The following AGPS variants were observed in gnomAD, a reference collection of about 807,000 sequenced individuals.
AGPS encodes alkyldihydroxyacetonephosphate synthase, peroxisomal.
A neutral mutation model predicts 90.7 loss-of-function variants in AGPS; 26 were observed. The observed-to-expected ratio is 0.29, with a 90% CI of 0.21 to 0.40. The LOEUF (loss-of-function observed/expected upper bound fraction) is 0.40. AGPS is among the 10% of genes least tolerant of loss of function. AGPS has a pLI of 1.00. For synonymous variants in AGPS, 294 were observed against 285.3 expected (o/e 1.03, Z -0.31); for missense variants, 540 against 816.1 (o/e 0.66, Z 4.12).
intron 11 of AGPS, among the ~76,000 whole-genome samples, chr2:177,492,490 C>T (rs935398995): frequency 9.2e-5 from 14 of 152,168 alleles, no homozygotes; most frequent in Admixed American, 9.2e-4. Context: ...TACAAAGATA[C>T]TCTTATGCCA....
intron 13 of AGPS, 103 bp from the exon 14 acceptor site, chr2:177,499,515 T>C: frequency 1.4e-6 from 1 of 711,274 alleles, no homozygotes; most frequent in Non-Finnish European, 2.4e-6. Context: ...AAGAAATCAG[T>C]GTATTTGAGC....
chr2:177,482,048 CT>C lies in AGPS; in HGVS notation c.1106-4del. The C allele has an allele frequency of 1.9e-6, 3 of 1,592,064 alleles. No individual in the cohort carries two copies. Among genetic ancestry groups the C allele is most frequent in the South Asian group, 1.1e-5 (1 of 90,236 alleles). On this transcript the variant is annotated splice_polypyrimidine_tract_variant and intron_variant, in intron 10 of 19. Coordinates refer to ENST00000264167, the MANE Select transcript of AGPS (RefSeq NM_003659.4). Reference sequence around the variant, plus strand: ...GTGATGTACTGGATTATTCCCCCTTCTTTTTTTCAGGAACTCTTGGTGTAAT... The same window carrying C: ...GTGATGTACTGGATTATTCCCCCTTCTTTTTTCAGGAACTCTTGGTGTAAT...
chr2:177,438,531 G>C (rs1012025460), intron 5 of AGPS, among the ~76,000 whole-genome samples: 27 of 152,014 alleles, frequency 1.8e-4, no homozygotes, highest in African/African-American at 6.0e-4. Flanking sequence ...CCATTTTATT[G>C]GTTCCCTTGC....
intron 2 of AGPS, among the ~76,000 whole-genome samples, chr2:177,429,432 C>G (rs1686174511): frequency 6.6e-6 from 1 of 152,174 alleles, no homozygotes; most frequent in African/African-American, 2.4e-5. Context: ...TTGATTCTTT[C>G]TCATCTTTGT....
chr2:177,534,250 T>C (rs190122937), intron 19 of AGPS, among the ~76,000 whole-genome samples: 1 of 152,306 alleles, frequency 6.6e-6, no homozygotes, highest in East Asian at 1.9e-4. Context: ...TACATCATTT[T>C]ATCTCTTATA....
Position 177,392,803 on chromosome 2 carries a change from C to T in AGPS, c.14C>T (p.Ala5Val), listed in dbSNP as rs1233318758. 6.0e-6 allele frequency: 9 copies of T among 1,503,774 alleles called. No homozygotes were observed. The highest frequency in any genetic ancestry group is 1.4e-5 in the African/African-American group (1 of 69,146). 93.2% of individuals were successfully genotyped at this position (1,503,774 alleles called of 1,614,324 possible). ...AAGGCGGTAGCCATGGCGGAGGCGG[C>T]GGCTGCAGCGGGTGGGACTGGCTTG... MAEA[A>V]AAAGGTGLGA... is the part of the protein sequence containing the mutation. Residue 5 changes from alanine (A) to valine (V), a missense_variant, in exon 1 of 20, where the codon GCG becomes GTG. Physicochemically the swap from Ala to Val is moderately conservative, Grantham distance 64. Around this residue, in one of 2 missense-constraint regions of AGPS, gnomAD observed 135 missense variants for 124.0 expected, o/e 1.09. Coordinates refer to ENST00000264167, the MANE Select transcript of AGPS (RefSeq NM_003659.4).
intron 18 of AGPS, among the ~76,000 whole-genome samples, chr2:177,522,046 A>G (rs1689210061): frequency 6.6e-6 from 1 of 152,040 alleles, no homozygotes. Context: ...AACTATAGAA[A>G]GGGTTTGGTT....
At chr2:177,468,375 A>G in intron 9 of AGPS, 41 bp from the exon 10 acceptor site, 2 of 1,235,962 alleles carry the variant, frequency 1.6e-6, no homozygotes, top group Non-Finnish European at 2.4e-6. Context: ...CACATTCACT[A>G]ACAGATGTCT....
Position 177,420,361 on chromosome 2 carries a change from A to G in AGPS, c.350+3A>G. 1 of 1,595,488 alleles carries G rather than the reference A, an allele frequency of 6.3e-7. No homozygotes were observed. The highest frequency in any genetic ancestry group is 1.7e-5 in the Admixed American group (1 of 59,914). On this transcript the variant is annotated splice_donor_region_variant and intron_variant, in intron 2 of 19. Coordinates refer to ENST00000264167, the MANE Select transcript of AGPS (RefSeq NM_003659.4). ...CAAATTGAATTGACTGGGAAAAGGT[A>G]ACCCTGGTTTATTTCTTCTTTTGTT...
chr2:177,473,186 G>T (rs1687679860), intron 10 of AGPS, among the ~76,000 whole-genome samples: 1 of 152,010 alleles, frequency 6.6e-6, no homozygotes, highest in Non-Finnish European at 1.5e-5. Flanking sequence ...AGTGTTTTTT[G>T]TTTCCTTGTA....
intron 15 of AGPS, among the ~76,000 whole-genome samples, chr2:177,505,897 C>G (rs6433671): frequency 6.6e-6 from 1 of 151,844 alleles, no homozygotes; most frequent in East Asian, 1.9e-4. Context: ...CTTAGCAACA[C>G]TCTTCACTTA....
intron 2 of AGPS, among the ~76,000 whole-genome samples, chr2:177,433,244 C>CA (rs1199064843): frequency 6.6e-6 from 1 of 152,088 alleles, no homozygotes. Flanking sequence ...AACTGGCTTT[C>CA]AAAATGGAGG....
intron 17 of AGPS, among the ~76,000 whole-genome samples, chr2:177,519,265 G>T (rs1162030827): frequency 6.6e-6 from 1 of 151,844 alleles, no homozygotes. Flanking sequence ...CTATATCTTA[G>T]TAATATTGGC....
At chr2:177,457,547 A>G (rs1687157609) in intron 8 of AGPS, among the ~76,000 whole-genome samples, 1 of 152,380 alleles carries the variant, frequency 6.6e-6, no homozygotes, top group East Asian at 1.9e-4. Flanking sequence ...AGAGAATACT[A>G]TAAATGCCTC....
chr2:177,474,005 G>GC (rs1426706381), intron 10 of AGPS, among the ~76,000 whole-genome samples: 2 of 152,150 alleles, frequency 1.3e-5, no homozygotes, highest in Non-Finnish European at 2.9e-5. Context: ...AAGTCATGAT[G>GC]CCTTCTTACT....
In AGPS at chr2:177,434,362, A is replaced by C; in HGVS notation, c.386A>C (p.Lys129Thr). 1 of 1,613,328 alleles carries C rather than the reference A, an allele frequency of 6.2e-7. No homozygotes were observed. The highest frequency in any genetic ancestry group is 1.1e-5 in the South Asian group (1 of 90,988). The change falls in exon 3 of 20, where the codon AAA becomes ACA. Residue 129 changes from lysine (K) to threonine (T), a missense_variant. Lys to Thr is a moderately conservative substitution (Grantham distance 78). This residue lies in a region of AGPS where 405 missense variants were observed against 692.1 expected (regional missense o/e 0.59). Transcript: ENST00000264167. ...PLSGMGLPTFKEWIQNTLGVN... is the reference protein window; with the variant it reads ...PLSGMGLPTFTEWIQNTLGVN... ...AGTGGCATGGGTTTACCAACATTTA[A>C]AGAATGGATCCAAAATACCCTTGGA...
At chr2:177,481,929 ATTATTCC>A in intron 10 of AGPS, 123 bp from the exon 11 acceptor site, 1 of 626,324 alleles carries the variant, frequency 1.6e-6, no homozygotes, top group East Asian at 9.5e-5. Flanking sequence ...TTGAGTAGCC[ATTATTCC>A]CCAGGTAGAC....
At chr2:177,397,489 T>C (rs1253963161) in intron 1 of AGPS, among the ~76,000 whole-genome samples, 1 of 151,382 alleles carries the variant, frequency 6.6e-6, no homozygotes, top group Admixed American at 6.6e-5. Context: ...TTTTTAAGGC[T>C]CTTGTGGTCT....
chr2:177,451,377 T>G (rs964255648), intron 8 of AGPS, among the ~76,000 whole-genome samples: 7 of 152,182 alleles, frequency 4.6e-5, no homozygotes, highest in African/African-American at 7.2e-5. Context: ...AAAAATACAG[T>G]TTTTTATACT....
Sources: gnomAD v4.1 joint callset for allele counts (sites outside exome capture counted in the v4.1 genomes callset) on GRCh38, gnomAD v4.1.1 for gene constraint, gnomAD v4.1.1 regional missense constraint, MANE v1.5 for transcripts, NCBI Gene and HGNC (gene_info 2026-07-23, HGNC 2026-07-21) for gene names.